Variants in PCDH9 observed in about 807,000 individuals in gnomAD.
PCDH9 encodes the protein protocadherin-9.
In PCDH9, 24 loss-of-function variants were observed where a neutral mutation model predicts 70.6. The observed-to-expected ratio is 0.34, with a 90% CI of 0.25 to 0.48. PCDH9 has a LOEUF of 0.48. Ranked by LOEUF, PCDH9 falls within the 20% of genes least tolerant of loss-of-function variation. The pLI, the probability that PCDH9 is intolerant of heterozygous loss-of-function variation, is 0.99. For synonymous variants in PCDH9, 562 were observed against 558.5 expected (o/e 1.01, Z -0.09); for missense variants, 1,281 against 1,503.6 (o/e 0.85, Z 2.45).
intron 2 of PCDH9, among the ~76,000 whole-genome samples, chr13:67,078,632 T>C (rs573079550): frequency 6.6e-6 from 1 of 152,122 alleles, no homozygotes. Flanking sequence ...TTCTGTAATC[T>C]TTCCAACTTG....
chr13:66,746,574 A>G (rs2079367469), intron 3 of PCDH9, among the ~76,000 whole-genome samples: 1 of 152,180 alleles, frequency 6.6e-6, no homozygotes, highest in African/African-American at 2.4e-5. Context: ...AAAGTAAGTA[A>G]AAAAATCAGT....
At chr13:66,530,490 CT>C in intron 4 of PCDH9, among the ~76,000 whole-genome samples, 1 of 151,612 alleles carries the variant, frequency 6.6e-6, no homozygotes, top group East Asian at 1.9e-4. Context: ...TTTATGGTAT[CT>C]TTTTTTATTC....
intron 3 of PCDH9, among the ~76,000 whole-genome samples, chr13:66,820,783 G>A (rs539087775): frequency 1.3e-5 from 2 of 152,186 alleles, no homozygotes; most frequent in East Asian, 1.9e-4. Context: ...TCACATATAA[G>A]TACGAGCTAA....
At chr13:66,531,314 G>A (rs1214341533) in intron 4 of PCDH9, among the ~76,000 whole-genome samples, 1 of 151,958 alleles carries the variant, frequency 6.6e-6, no homozygotes, top group Non-Finnish European at 1.5e-5. Flanking sequence ...TTCCTATCGA[G>A]TACAAGAAAA....
intron 4 of PCDH9, among the ~76,000 whole-genome samples, chr13:66,525,592 TA>T (rs1960180111): frequency 6.6e-6 from 1 of 152,108 alleles, no homozygotes; most frequent in African/African-American, 2.4e-5. Flanking sequence ...GAAAGTCCTT[TA>T]TTTTTAGCCC....
chr13:66,874,677 G>A (rs2081764877), intron 3 of PCDH9, among the ~76,000 whole-genome samples: 1 of 152,022 alleles, frequency 6.6e-6, no homozygotes, highest in Admixed American at 6.6e-5. Flanking sequence ...ACATAAGATA[G>A]GTGCTCAGTA....
intron 3 of PCDH9, among the ~76,000 whole-genome samples, chr13:66,669,911 G>A (rs930504605): frequency 5.3e-5 from 8 of 152,062 alleles, no homozygotes; most frequent in African/African-American, 1.9e-4. Flanking sequence ...AAAAATAAAT[G>A]ATCATATTTG....
intron 3 of PCDH9, among the ~76,000 whole-genome samples, chr13:66,739,278 G>A (rs938355548): frequency 4.4e-5 from 5 of 113,956 alleles, no homozygotes; most frequent in Non-Finnish European, 5.8e-5. Flanking sequence ...ATACTTTACA[G>A]ACAAGCAAAT....
chr13:66,526,580 C>A (rs560345428), intron 4 of PCDH9, among the ~76,000 whole-genome samples: 3 of 151,906 alleles, frequency 2.0e-5, no homozygotes, highest in Non-Finnish European at 4.4e-5. Flanking sequence ...CCCTGTAGAT[C>A]ACAAATATTT....
chr13:67,059,547 C>T (rs750240178), intron 2 of PCDH9, among the ~76,000 whole-genome samples: 9 of 151,086 alleles, frequency 6.0e-5, no homozygotes, highest in South Asian at 4.2e-4. Flanking sequence ...GAGCAGTGAC[C>T]GGGATTATAC....
chr13:66,848,065 T>G lies in PCDH9; in HGVS notation c.3138+55439A>C, dbSNP rs576005227. Among the ~76,000 whole-genome samples, 619 of 152,278 alleles carry G rather than the reference T, an allele frequency of 4.1e-3. 3 individuals are homozygous for G. The highest frequency in any genetic ancestry group is 0.014 in the African/African-American group (564 of 41,554). On this transcript the variant is annotated intron_variant, in intron 3 of 4. Transcript: ENST00000377865. ...CTCTGATTTCTTATTACCCATGGCT[T>G]ATAAGAAACACCAATCTCCTGTATT... is the stretch of plus-strand genomic sequence containing the variant.
intron 2 of PCDH9, among the ~76,000 whole-genome samples, chr13:67,063,506 T>C (rs955648315): frequency 2.8e-4 from 36 of 130,058 alleles, no homozygotes; most frequent in African/African-American, 9.6e-4. Context: ...CTGAGGCTCA[T>C]AGAATTTAAA....
At chr13:66,834,868 T>C (rs1378266215) in intron 3 of PCDH9, among the ~76,000 whole-genome samples, 1 of 152,244 alleles carries the variant, frequency 6.6e-6, no homozygotes, top group Non-Finnish European at 1.5e-5. Context: ...CTCCTCTTCC[T>C]AACCTGGATG....
At chr13:67,057,700 A>G (rs1316191204) in intron 2 of PCDH9, among the ~76,000 whole-genome samples, 1 of 152,040 alleles carries the variant, frequency 6.6e-6, no homozygotes, top group African/African-American at 2.4e-5. Context: ...CTGTGACCCA[A>G]TTATTGAATG....
intron 3 of PCDH9, among the ~76,000 whole-genome samples, chr13:66,827,019 G>T (rs1034008751): frequency 6.6e-6 from 1 of 152,182 alleles, no homozygotes; most frequent in Non-Finnish European, 1.5e-5. Flanking sequence ...ATTCTGGATT[G>T]TAAGGGTGGA....
intron 3 of PCDH9, among the ~76,000 whole-genome samples, chr13:66,894,793 T>G (rs1314430097): frequency 6.6e-6 from 1 of 152,118 alleles, no homozygotes; most frequent in Non-Finnish European, 1.5e-5. Context: ...TACTTAAAAC[T>G]GTCTCATAAA....
chr13:66,773,354 C>A (rs2079838607), intron 3 of PCDH9, among the ~76,000 whole-genome samples: 1 of 152,112 alleles, frequency 6.6e-6, no homozygotes, highest in Non-Finnish European at 1.5e-5. Flanking sequence ...ATTGGCCAGG[C>A]ACGGTGGCTC....
At chr13:66,710,200 T>C (rs2078773873) in intron 3 of PCDH9, among the ~76,000 whole-genome samples, 1 of 152,150 alleles carries the variant, frequency 6.6e-6, no homozygotes, top group African/African-American at 2.4e-5. Context: ...TTTTTCTTAC[T>C]GAAAATTAAT....
intron 2 of PCDH9, among the ~76,000 whole-genome samples, chr13:67,049,025 T>C (rs61959249): frequency 0.095 from 14,423 of 152,260 alleles, 762 homozygotes; most frequent in Non-Finnish European, 0.12. Flanking sequence ...GCAAATTACT[T>C]TGTAGATAGG....
Sources: allele counts gnomAD v4.1 joint callset (sites outside exome capture counted in the v4.1 genomes callset), GRCh38; gene constraint gnomAD v4.1.1; transcripts MANE v1.5; gene names NCBI Gene and HGNC (gene_info 2026-07-23, HGNC 2026-07-21).